The following KCNC1 variants were observed in gnomAD, a reference collection of about 807,000 sequenced individuals.
KCNC1 encodes voltage-gated potassium channel KCNC1.
A neutral mutation model predicts 43.4 loss-of-function variants in KCNC1; 8 were observed. The observed-to-expected ratio is 0.18, with a 90% CI of 0.11 to 0.33. The LOEUF (loss-of-function observed/expected upper bound fraction) is 0.33, where lower values mean the gene tolerates loss of function less well. KCNC1 is among the 10% of genes least tolerant of loss of function. The pLI is 1.00. For synonymous variants in KCNC1, 361 were observed against 360.5 expected (o/e 1.00, Z -0.01); for missense variants, 420 against 836.0 (o/e 0.50, Z 6.14).
chr11:17,764,834 G>A (rs1328997442), intron 1 of KCNC1, among the ~76,000 whole-genome samples: 4 of 144,028 alleles, frequency 2.8e-5, no homozygotes, highest in South Asian at 5.1e-4. Flanking sequence ...TTCCCGGCCC[G>A]CGGAAGTCCA....
Position 17,776,545 on chromosome 11 carries a change from C to T in KCNC1, c.1505-2911C>T, listed in dbSNP as rs561791248. The T allele has an allele frequency of 2.2e-5, 22 of 985,476 alleles. No homozygotes were observed. Among genetic ancestry groups the T allele is most frequent in the East Asian group, 2.3e-4 (2 of 8,790 alleles). The allele number at this position is 985,476 out of a possible 1,614,324, so 61.0% of individuals were successfully genotyped here. ...AAAGTTTAAAAAAAAATGACCCTCT[C>T]GCAGATGCTCATCTCAGCCCATTTC... On this transcript the variant is annotated intron_variant, in intron 2 of 3. Transcript: ENST00000265969. This position sits in a 1 kb window ranked among gnomAD's most constrained non-coding sequence, Gnocchi z 4.4.
rs1590089387 is a variant in KCNC1 at position 17,736,985 on chromosome 11, G to C, written c.570+413G>C. ...GAGGTGCACTGTCAAAGTATGGACT[G>C]CTCTCGAGATTTCAGTGTGGGGAGG... On this transcript the variant is annotated intron_variant, in intron 1 of 3. Transcript: ENST00000265969. The surrounding 1 kb of genome is among the most constrained non-coding windows in gnomAD (Gnocchi z 9.3). 6.6e-6 allele frequency among the ~76,000 whole-genome samples: 1 copy of C among 152,344 alleles called. No individual in the cohort carries two copies. Among genetic ancestry groups the C allele is most frequent in the Middle Eastern group, 3.4e-3 (1 of 294 alleles).
chr11:17,773,571 G>A lies in KCNC1; in HGVS notation c.1504+973G>A. The A allele has an allele frequency of 1.0e-6, 1 of 984,976 alleles. No homozygotes were observed. Among genetic ancestry groups the A allele is most frequent in the Non-Finnish European group, 1.2e-6 (1 of 829,768 alleles). 61.0% of individuals were successfully genotyped at this position (984,976 alleles called of 1,614,324 possible). ...ATTCACTGGGGGCCGGGAGGGGGGA[G>A]GGGGGCATGAAACAATACTAGTCAC... On this transcript the variant is annotated intron_variant, in intron 2 of 3. Coordinates refer to ENST00000265969, the MANE Select transcript of KCNC1 (RefSeq NM_001112741.2). The surrounding 1 kb of genome is among the most constrained non-coding windows in gnomAD (Gnocchi z 4.1).
intron 1 of KCNC1, among the ~76,000 whole-genome samples, chr11:17,747,809 G>T (rs950890782): frequency 2.0e-5 from 3 of 152,118 alleles, no homozygotes; most frequent in Non-Finnish European, 4.4e-5. Context: ...ACCCTGGCCA[G>T]CCCCAGCCCT....
At chr11:17,775,251 C>T in intron 2 of KCNC1, 1 of 985,596 alleles carries the variant, frequency 1.0e-6, no homozygotes, top group Non-Finnish European at 1.2e-6. Context: ...GAGTTAGGGG[C>T]TGTGTGTGGC....
rs1454942355 is a variant in KCNC1, at chr11:17,779,238, C to G, written c.1505-218C>G. On this transcript the variant is annotated intron_variant, in intron 2 of 3. Transcript: ENST00000265969. This position sits in a 1 kb window ranked among gnomAD's most constrained non-coding sequence, Gnocchi z 7.2. ...CTTTGAGCAAACCCAGGAGTCCCCA[C>G]TCCCAGCACTGTGGGCAGCCCGAAG... 5.9e-6 allele frequency: 3 copies of G among 509,038 alleles called. No homozygotes were observed. Among genetic ancestry groups the G allele is most frequent in the Non-Finnish European group, 1.0e-5 (3 of 291,074 alleles). 31.5% of individuals were successfully genotyped at this position (509,038 alleles called of 1,614,324 possible).
Position 17,777,408 on chromosome 11 carries a change from A to G in KCNC1, c.1505-2048A>G. 1.0e-6 allele frequency: 1 copy of G among 985,836 alleles called. No homozygotes were observed. Among genetic ancestry groups the G allele is most frequent in the Non-Finnish European group, 1.2e-6 (1 of 829,956 alleles). 61.1% of individuals were successfully genotyped at this position (985,836 alleles called of 1,614,324 possible). On this transcript the variant is annotated intron_variant, in intron 2 of 3. Coordinates refer to ENST00000265969, the MANE Select transcript of KCNC1 (RefSeq NM_001112741.2). This position sits in a 1 kb window ranked among gnomAD's most constrained non-coding sequence, Gnocchi z 4.3. ...ACTGTTCTCCCCTTGAGGAAAATCCATGCAGGGTGCTATGGGCCTCAACCC... is the reference window on the plus strand; with the variant it reads ...ACTGTTCTCCCCTTGAGGAAAATCCGTGCAGGGTGCTATGGGCCTCAACCC...
rs1849344407 is a variant in KCNC1 at position 17,781,405 on chromosome 11, C to T, written c.1694-265C>T. 2 of 439,664 alleles carry T rather than the reference C, an allele frequency of 4.5e-6. No individual in the cohort carries two copies. Among genetic ancestry groups the T allele is most frequent in the African/African-American group, 4.0e-5 (2 of 49,704 alleles). 27.2% of individuals were successfully genotyped at this position (439,664 alleles called of 1,614,324 possible). On this transcript the variant is annotated intron_variant, in intron 3 of 3. Transcript: ENST00000265969. This position sits in a 1 kb window ranked among gnomAD's most constrained non-coding sequence, Gnocchi z 5.1. ...CCGCCGAGGACTTGTTTTTCTCAGG[C>T]TAATTCTGAGCCAGAAGGCATGCAG... is the stretch of plus-strand genomic sequence containing the variant.
At chr11:17,765,607 C>G (rs899978842) in intron 1 of KCNC1, among the ~76,000 whole-genome samples, 2 of 152,170 alleles carry the variant, frequency 1.3e-5, no homozygotes, top group Admixed American at 6.5e-5. Flanking sequence ...GGGTCTCTCA[C>G]GGTTTGTGAT....
Position 17,772,372 on chromosome 11 carries a change from C to G in KCNC1, c.1278C>G (p.Leu426=). The G allele has an allele frequency of 6.2e-7, 1 of 1,614,138 alleles. No individual in the cohort carries two copies. The highest frequency in any genetic ancestry group is 1.3e-5 in the African/African-American group (1 of 75,042). ...VGALCALAGV[L]TIAMPVPVIV... Reference sequence around the variant, plus strand: ...CTCTGTGTGCGCTGGCGGGCGTGCTCACCATCGCCATGCCCGTGCCCGTCA... The same window carrying G: ...CTCTGTGTGCGCTGGCGGGCGTGCTGACCATCGCCATGCCCGTGCCCGTCA... The change falls in exon 2 of 4, where the codon CTC becomes CTG. Residue 426 remains leucine, a synonymous_variant. Coordinates refer to ENST00000265969, the MANE Select transcript of KCNC1 (RefSeq NM_001112741.2).
intron 1 of KCNC1, among the ~76,000 whole-genome samples, chr11:17,747,640 G>A (rs759814057): frequency 3.7e-4 from 57 of 152,300 alleles, no homozygotes; most frequent in Middle Eastern, 6.8e-3. Context: ...CCTGGGTGGG[G>A]ACGAGCTAAT....
At chr11:17,759,977 G>C (rs1040930263) in intron 1 of KCNC1, among the ~76,000 whole-genome samples, 1 of 152,108 alleles carries the variant, frequency 6.6e-6, no homozygotes, top group Non-Finnish European at 1.5e-5. Context: ...AAACGCAGTC[G>C]AACGAGGCAT....
At chr11:17,748,905 T>C (rs1159200035) in intron 1 of KCNC1, among the ~76,000 whole-genome samples, 1 of 152,014 alleles carries the variant, frequency 6.6e-6, no homozygotes, top group Non-Finnish European at 1.5e-5. Context: ...AGATGGTGGG[T>C]CCCATACACG....
intron 1 of KCNC1, among the ~76,000 whole-genome samples, chr11:17,766,476 A>G (rs995840392): frequency 6.6e-6 from 1 of 152,070 alleles, no homozygotes; most frequent in Non-Finnish European, 1.5e-5. Context: ...CTGTGACCCT[A>G]CAGCCCCGGG....
In KCNC1 at chr11:17,736,683, AG is replaced by A. The variant is rs1848771690; in HGVS notation, c.570+116del. ...GGCGCCTAGGGAGTTCAGAATCGAA[AG>A]GGGGTGTGTGCGCATGTGTGCACGT... On this transcript the variant is annotated intron_variant, in intron 1 of 3. Transcript: ENST00000265969. This position sits in a 1 kb window ranked among gnomAD's most constrained non-coding sequence, Gnocchi z 9.3. 2.8e-6 allele frequency: 4 copies of A among 1,430,526 alleles called. No individual in the cohort carries two copies. Among genetic ancestry groups the A allele is most frequent in the Non-Finnish European group, 2.7e-6 (3 of 1,096,130 alleles). The allele number at this position is 1,430,526 out of a possible 1,614,324, so 88.6% of individuals were successfully genotyped here.
chr11:17,758,432 A>G (rs964263746), intron 1 of KCNC1, among the ~76,000 whole-genome samples: 1 of 152,252 alleles, frequency 6.6e-6, no homozygotes, highest in Non-Finnish European at 1.5e-5. Flanking sequence ...CCTCCGATGA[A>G]TCACAAGTGT....
intron 2 of KCNC1, chr11:17,772,960 C>T: frequency 2.6e-6 from 3 of 1,144,124 alleles, no homozygotes; most frequent in Non-Finnish European, 3.2e-6. Context: ...AGGCTACTGA[C>T]CCGGTGTTGG....
rs896887581 is a variant in KCNC1 at position 17,776,463 on chromosome 11, A to G, written c.1505-2993A>G. The G allele has an allele frequency of 9.1e-6, 9 of 985,438 alleles. No homozygotes were observed. In the African/African-American group the frequency reaches 1.6e-4, roughly 17 times the overall value. 61.0% of individuals were successfully genotyped at this position (985,438 alleles called of 1,614,324 possible). A position where few individuals can be genotyped will look rare whatever the true frequency, so the allele number is the denominator to read the frequency against. On this transcript the variant is annotated intron_variant, in intron 2 of 3. Transcript: ENST00000265969. This position sits in a 1 kb window ranked among gnomAD's most constrained non-coding sequence, Gnocchi z 4.4. Reference sequence around the variant, plus strand: ...AGTACTTTGGCGGTGCCTGGAGACCAGGGCAGAAAAGCCAGCTGTGCTGAC... The same window carrying G: ...AGTACTTTGGCGGTGCCTGGAGACCGGGGCAGAAAAGCCAGCTGTGCTGAC...
intron 2 of KCNC1, chr11:17,775,178 C>T (rs969185471): frequency 4.1e-6 from 4 of 985,420 alleles, no homozygotes; most frequent in Non-Finnish European, 4.8e-6. Flanking sequence ...TCTCACTGTA[C>T]CCCCAAGGCA....
Sources: allele counts gnomAD v4.1 joint callset (sites outside exome capture counted in the v4.1 genomes callset), GRCh38; gene constraint gnomAD v4.1.1; non-coding constraint Gnocchi (gnomAD v3.1); transcripts MANE v1.5; gene names NCBI Gene and HGNC (gene_info 2026-07-23, HGNC 2026-07-21).